OXR1: variants seen among roughly 807,000 people sequenced by gnomAD.
OXR1 encodes oxidation resistance protein 1.
Under a neutral mutation model 104.6 loss-of-function variants are expected in OXR1, and 41 were observed. The observed-to-expected ratio is 0.39, with a 90% confidence interval of 0.31 to 0.51. The LOEUF is 0.51. OXR1 is among the 20% of genes least tolerant of loss of function. OXR1 has a pLI of 0.77. For synonymous variants in OXR1, 348 were observed against 348.4 expected (o/e 1.00, Z 0.01); for missense variants, 955 against 1,031.9 (o/e 0.93, Z 1.02).
At chr8:106,280,404 T>G (rs1812230023) in intron 1 of OXR1, among the ~76,000 whole-genome samples, 1 of 152,182 alleles carries the variant, frequency 6.6e-6, no homozygotes, top group Non-Finnish European at 1.5e-5. Context: ...GAAAATCTGC[T>G]TCATGCCTTT....
intron 2 of OXR1, among the ~76,000 whole-genome samples, chr8:106,495,070 A>C (rs1174447698): frequency 6.6e-6 from 1 of 152,118 alleles, no homozygotes; most frequent in Admixed American, 6.5e-5. Flanking sequence ...GCTCAGTAAT[A>C]TTTGTGATTC....
At chr8:106,669,269 C>T (rs2131143039) in intron 3 of OXR1, among the ~76,000 whole-genome samples, 1 of 152,020 alleles carries the variant, frequency 6.6e-6, no homozygotes, top group Middle Eastern at 3.4e-3. Context: ...GGATTGTGAA[C>T]TGGGGAAGAG....
intron 2 of OXR1, among the ~76,000 whole-genome samples, chr8:106,507,436 T>C (rs1468867012): frequency 6.6e-6 from 1 of 152,214 alleles, no homozygotes; most frequent in Non-Finnish European, 1.5e-5. Context: ...CTTGTGCTAT[T>C]CTCTTCCACA....
intron 11 of OXR1, among the ~76,000 whole-genome samples, chr8:106,721,812 T>C (rs1832846621): frequency 6.6e-6 from 1 of 152,222 alleles, no homozygotes; most frequent in Non-Finnish European, 1.5e-5. Context: ...CTTTTAGTTA[T>C]ATAAGTGTAA....
chr8:106,433,454 C>A (rs28373035), intron 2 of OXR1, among the ~76,000 whole-genome samples: 34,384 of 152,056 alleles, frequency 0.23, 5,407 homozygotes, highest in African/African-American at 0.42. Context: ...CAAATCTTGT[C>A]GCTAATTTGT....
At chr8:106,677,574 A>G (rs1182922273) in intron 3 of OXR1, among the ~76,000 whole-genome samples, 3 of 152,192 alleles carry the variant, frequency 2.0e-5, no homozygotes, top group East Asian at 1.9e-4. Context: ...TTAAATTTGC[A>G]TTTATCTAAT....
chr8:106,621,953 G>A (rs1034297128), intron 3 of OXR1, among the ~76,000 whole-genome samples: 10 of 152,034 alleles, frequency 6.6e-5, no homozygotes, highest in Admixed American at 5.9e-4. Flanking sequence ...AAACACATCA[G>A]ACCCACTTGA....
chr8:106,665,152 G>T (rs1826147235), intron 3 of OXR1, among the ~76,000 whole-genome samples: 1 of 152,144 alleles, frequency 6.6e-6, no homozygotes, highest in African/African-American at 2.4e-5. Context: ...CATGGCACAA[G>T]GTGGGAACCA....
intron 2 of OXR1, among the ~76,000 whole-genome samples, chr8:106,396,090 C>CATAA (rs1817768680): frequency 3.4e-5 from 4 of 117,888 alleles, no homozygotes; most frequent in African/African-American, 1.4e-4. Context: ...TACATACATA[C>CATAA]ATACATACAT....
chr8:106,505,937 G>T (rs1238899733), intron 2 of OXR1, among the ~76,000 whole-genome samples: 1 of 152,236 alleles, frequency 6.6e-6, no homozygotes, highest in African/African-American at 2.4e-5. Context: ...AGAGTAGGTA[G>T]TAGGGGACCA....
chr8:106,365,361 A>T (rs962263919), intron 2 of OXR1, among the ~76,000 whole-genome samples: 1 of 151,902 alleles, frequency 6.6e-6, no homozygotes, highest in Non-Finnish European at 1.5e-5. Flanking sequence ...CAGCTTGTAA[A>T]GGAGTAGAGA....
chr8:106,497,739 TCTTC>T, intron 2 of OXR1, among the ~76,000 whole-genome samples: 1 of 152,270 alleles, frequency 6.6e-6, no homozygotes, highest in Non-Finnish European at 1.5e-5. Context: ...ATTAAACCCC[TCTTC>T]CTTGGGGGAA....
chr8:106,341,083 T>C (rs1815226875), intron 1 of OXR1, among the ~76,000 whole-genome samples: 1 of 152,138 alleles, frequency 6.6e-6, no homozygotes, highest in African/African-American at 2.4e-5. Flanking sequence ...ACTAAAAGTT[T>C]CGTTTTATTT....
Position 106,752,075 on chromosome 8 carries a change from A to G in OXR1, c.*1134A>G, listed in dbSNP as rs903633952. 1 of 152,588 alleles carries G rather than the reference A, an allele frequency of 6.6e-6. No individual in the cohort carries two copies. The highest frequency in any genetic ancestry group is 1.5e-5 in the Non-Finnish European group (1 of 67,960). 9.5% of individuals were successfully genotyped at this position (152,588 alleles called of 1,614,324 possible). A position where few individuals can be genotyped will look rare whatever the true frequency, so the allele number is the denominator to read the frequency against. On this transcript the variant is annotated 3_prime_UTR_variant, in exon 17 of 17. Transcript: ENST00000517566. ...TATCCTCTTTTGTAGGAAACCAATA[A>G]TAGCCATTGTGGCAATAATTCATCA...
In OXR1 at chr8:106,497,073, A is replaced by G. The variant is rs138845766; in HGVS notation, c.24-21870A>G. Among the ~76,000 whole-genome samples, 830 of 152,312 alleles carry G rather than the reference A, an allele frequency of 5.4e-3. 5 individuals are homozygous for G. Among genetic ancestry groups the G allele is most frequent in the African/African-American group, 0.019 (791 of 41,564 alleles). On this transcript the variant is annotated intron_variant, in intron 2 of 16. Transcript: ENST00000517566. ...CCTGCCACAGGACGCTCAGTGTTAGATTTAAGTTGATTCAGAGAAATGTGA... is the reference window on the plus strand; with the variant it reads ...CCTGCCACAGGACGCTCAGTGTTAGGTTTAAGTTGATTCAGAGAAATGTGA...
chr8:106,705,788 G>A (rs1399582031), intron 8 of OXR1, among the ~76,000 whole-genome samples: 5 of 152,042 alleles, frequency 3.3e-5, no homozygotes, highest in Admixed American at 6.5e-5. Flanking sequence ...ACCTGAACAA[G>A]TTCTCTTAGA....
chr8:106,658,077 G>A, intron 3 of OXR1: 1 of 1,248,418 alleles, frequency 8.0e-7, no homozygotes, highest in Non-Finnish European at 1.0e-6. Flanking sequence ...CGGCGGCGAA[G>A]CCCGGCAGGT....
At chr8:106,343,053 T>G (rs991520106) in intron 1 of OXR1, among the ~76,000 whole-genome samples, 2 of 152,214 alleles carry the variant, frequency 1.3e-5, no homozygotes, top group African/African-American at 4.8e-5. Flanking sequence ...CTGACTATCT[T>G]TCTGTCCCTC....
intron 16 of OXR1, 55 bp from the exon 17 acceptor site, chr8:106,750,751 A>G: frequency 3.9e-6 from 5 of 1,283,720 alleles, no homozygotes; most frequent in Non-Finnish European, 5.4e-6. Context: ...TCTCATTTAA[A>G]TTGTTTTATA....
Sources: gnomAD v4.1 joint callset for allele counts (sites outside exome capture counted in the v4.1 genomes callset) on GRCh38, gnomAD v4.1.1 for gene constraint, MANE v1.5 for transcripts, NCBI Gene and HGNC (gene_info 2026-07-23, HGNC 2026-07-21) for gene names.